The following CCDC3 variants were observed in gnomAD, a reference collection of about 807,000 sequenced individuals.
CCDC3 encodes coiled-coil domain-containing protein 3.
CCDC3 carries 24 observed loss-of-function variants against 21.4 expected under a neutral mutation model. The observed-to-expected ratio is 1.12, with a 90% confidence interval of 0.81 to 1.58. The LOEUF is 1.58. CCDC3 is among the 40% of genes most tolerant of loss of function. The pLI is 0.00. For synonymous variants in CCDC3, 186 were observed against 166.0 expected, an observed-to-expected ratio of 1.12 and a Z score of -0.93; for missense variants, 425 against 360.9, an observed-to-expected ratio of 1.18 and a Z score of -1.44.
intron 5 of CCDC3, among the ~76,000 whole-genome samples, chr10:13,026,045 G>C (rs1184727270): frequency 6.6e-6 from 1 of 152,104 alleles, no homozygotes; most frequent in East Asian, 1.9e-4. Flanking sequence ...GCTGGGCTTG[G>C]TGGCGTGTGC....
chr10:13,064,654 T>C (rs1251139), intron 4 of CCDC3, among the ~76,000 whole-genome samples: 112,271 of 152,014 alleles, frequency 0.74, 41,599 homozygotes, highest in Admixed American at 0.79. Flanking sequence ...GGTATGGTGG[T>C]GGGTGCCTGT....
intron 1 of CCDC3, among the ~76,000 whole-genome samples, chr10:12,999,812 A>G (rs1835818566): frequency 6.6e-6 from 1 of 152,256 alleles, no homozygotes. Context: ...ATAGTTTTAT[A>G]GATGGTTTCT....
At chr10:12,944,495 A>T (rs1269404323) in intron 2 of CCDC3, among the ~76,000 whole-genome samples, 1 of 152,240 alleles carries the variant, frequency 6.6e-6, no homozygotes, top group Non-Finnish European at 1.5e-5. Flanking sequence ...GGGCCGAATC[A>T]ATGTATTCAT....
At chr10:12,994,981 T>C (rs1259088812) in intron 2 of CCDC3, among the ~76,000 whole-genome samples, 1 of 151,656 alleles carries the variant, frequency 6.6e-6, no homozygotes, top group Non-Finnish European at 1.5e-5. Flanking sequence ...CTTGGGAAGC[T>C]GAGGCAGGAG....
At chr10:12,927,019 G>A (rs1416279506) in intron 2 of CCDC3, among the ~76,000 whole-genome samples, 1 of 152,170 alleles carries the variant, frequency 6.6e-6, no homozygotes, top group East Asian at 1.9e-4. Context: ...CATTTTTAGA[G>A]TAGTATATTA....
chr10:12,964,659 G>A (rs974912448), intron 2 of CCDC3, among the ~76,000 whole-genome samples: 3 of 152,148 alleles, frequency 2.0e-5, no homozygotes, highest in Non-Finnish European at 2.9e-5. Flanking sequence ...TTTCCTCACT[G>A]TTTGAAATTC....
At chr10:12,914,849 T>G (rs1252966336) in intron 2 of CCDC3, among the ~76,000 whole-genome samples, 7 of 152,278 alleles carry the variant, frequency 4.6e-5, no homozygotes, top group Non-Finnish European at 7.3e-5. Context: ...ATTTTTCTAC[T>G]CTCTCATTTA....
chr10:12,919,533 T>C (rs1439408915), intron 2 of CCDC3, among the ~76,000 whole-genome samples: 1 of 144,628 alleles, frequency 6.9e-6, no homozygotes, highest in Non-Finnish European at 1.5e-5. Context: ...GGGTTTGCAG[T>C]GAGCTGAGAT....
intron 5 of CCDC3, among the ~76,000 whole-genome samples, chr10:13,013,709 G>A (rs1302964493): frequency 1.3e-5 from 2 of 152,024 alleles, no homozygotes; most frequent in Admixed American, 1.3e-4. Context: ...TGCCAATGAT[G>A]CAAAATGTGA....
At chr10:13,055,095 C>A (rs1485660276) in intron 4 of CCDC3, among the ~76,000 whole-genome samples, 2 of 152,204 alleles carry the variant, frequency 1.3e-5, no homozygotes, top group African/African-American at 4.8e-5. Context: ...GCCCAAACAT[C>A]ATGAAGACTT....
At chr10:12,953,680 T>C (rs1835042128) in intron 2 of CCDC3, among the ~76,000 whole-genome samples, 2 of 152,174 alleles carry the variant, frequency 1.3e-5, no homozygotes, top group Non-Finnish European at 2.9e-5. Flanking sequence ...AGCTCTACCC[T>C]GTGGAGCTGT....
chr10:12,948,636 T>G (rs1834959182), intron 2 of CCDC3, among the ~76,000 whole-genome samples: 1 of 151,852 alleles, frequency 6.6e-6, no homozygotes, highest in Admixed American at 6.6e-5. Flanking sequence ...TTTAGACCAC[T>G]GGTCCAACAC....
chr10:12,940,807 T>C (rs1278444845), intron 2 of CCDC3, among the ~76,000 whole-genome samples: 1 of 152,148 alleles, frequency 6.6e-6, no homozygotes, highest in Admixed American at 6.6e-5. Context: ...AGAAGAAAAC[T>C]GATCAACAGG....
At chr10:13,035,358 A>G (rs1049811536) in intron 5 of CCDC3, among the ~76,000 whole-genome samples, 2 of 152,250 alleles carry the variant, frequency 1.3e-5, no homozygotes, top group African/African-American at 4.8e-5. Context: ...CACATTAGAC[A>G]TTAGAGACCA....
chr10:13,052,095 C>T (rs1176521337), intron 4 of CCDC3, among the ~76,000 whole-genome samples: 1 of 152,080 alleles, frequency 6.6e-6, no homozygotes, highest in Non-Finnish European at 1.5e-5. Context: ...CAAATTTTGG[C>T]TGGGCATGGC....
intron 3 of CCDC3, among the ~76,000 whole-genome samples, chr10:13,076,401 G>C (rs992195496): frequency 1.3e-5 from 2 of 152,210 alleles, no homozygotes; most frequent in Non-Finnish European, 2.9e-5. Context: ...CTAGATGTTT[G>C]TGGCTAAGGA....
At chr10:13,079,236 G>A (rs887889264) in intron 3 of CCDC3, among the ~76,000 whole-genome samples, 33 of 146,876 alleles carry the variant, frequency 2.2e-4, no homozygotes, top group South Asian at 6.6e-4. Flanking sequence ...ATTCCCCTCC[G>A]GGGGTGGTCT....
intron 2 of CCDC3, among the ~76,000 whole-genome samples, chr10:12,905,501 GA>G (rs1210939744): frequency 6.6e-6 from 1 of 152,056 alleles, no homozygotes; most frequent in Non-Finnish European, 1.5e-5. Context: ...CAAAGGGTTT[GA>G]AAAAAACACC....
At chr10:13,076,666 A>C (rs1402713642) in intron 3 of CCDC3, among the ~76,000 whole-genome samples, 1 of 152,210 alleles carries the variant, frequency 6.6e-6, no homozygotes, top group Non-Finnish European at 1.5e-5. Flanking sequence ...ACTTTAACCA[A>C]GATATCTGTG....
Sources: allele counts gnomAD v4.1 joint callset (sites outside exome capture counted in the v4.1 genomes callset), GRCh38; gene constraint gnomAD v4.1.1; transcripts MANE v1.5; gene names NCBI Gene and HGNC (gene_info 2026-07-23, HGNC 2026-07-21).